SYN3: variants seen among roughly 807,000 people sequenced by gnomAD.
SYN3 encodes the protein synapsin-3.
A neutral mutation model predicts 65.8 loss-of-function variants in SYN3; 35 were observed. The observed-to-expected ratio is 0.53, with a 90% CI of 0.41 to 0.70. SYN3 has a LOEUF of 0.70. SYN3 is among the 30% of genes least tolerant of loss of function. The pLI is 0.00. For synonymous variants in SYN3, 270 were observed against 292.9 expected (o/e 0.92, Z 0.80); for missense variants, 680 against 749.0 (o/e 0.91, Z 1.08).
At chr22:33,023,525 G>A (rs149377247) in intron 1 of SYN3, among the ~76,000 whole-genome samples, 1,943 of 152,264 alleles carry the variant, frequency 0.013, 17 homozygotes, top group Admixed American at 0.016. Context: ...TTGGCAGCAT[G>A]AGAATGGACT....
At chr22:32,944,578 G>C (rs2051046357) in intron 3 of SYN3, among the ~76,000 whole-genome samples, 1 of 152,134 alleles carries the variant, frequency 6.6e-6, no homozygotes, top group South Asian at 2.1e-4. Flanking sequence ...CAAACCCACA[G>C]CCAATATCAT....
chr22:32,940,189 C>T (rs137561), intron 3 of SYN3, among the ~76,000 whole-genome samples: 121,920 of 152,160 alleles, frequency 0.8, 49,508 homozygotes, highest in East Asian at 0.96. Context: ...TTTTTGTTCA[C>T]ATTTGTATTC....
intron 2 of SYN3, among the ~76,000 whole-genome samples, chr22:32,983,010 T>C (rs2052415127): frequency 6.6e-6 from 1 of 152,188 alleles, no homozygotes; most frequent in Non-Finnish European, 1.5e-5. Flanking sequence ...CAGTGAAAAT[T>C]GGGGTCTTTA....
intron 4 of SYN3, among the ~76,000 whole-genome samples, chr22:32,914,233 C>CA (rs1429764894): frequency 6.6e-6 from 1 of 151,990 alleles, no homozygotes; most frequent in African/African-American, 2.4e-5. Flanking sequence ...TTGAAATAGA[C>CA]AAAAAAGACG....
At chr22:32,855,968 G>A (rs940739802) in intron 6 of SYN3, among the ~76,000 whole-genome samples, 15 of 152,164 alleles carry the variant, frequency 9.9e-5, no homozygotes, top group African/African-American at 3.4e-4. Context: ...TGGGATAAAC[G>A]AACCCAATGC....
intron 6 of SYN3, among the ~76,000 whole-genome samples, chr22:32,600,538 G>A (rs2059266755): frequency 1.3e-5 from 2 of 152,358 alleles, no homozygotes; most frequent in Non-Finnish European, 2.9e-5. Flanking sequence ...AGGATGAGTA[G>A]GTTGTGGGTG....
chr22:32,631,279 G>A (rs1435267969), intron 6 of SYN3, among the ~76,000 whole-genome samples: 1 of 143,826 alleles, frequency 7.0e-6, no homozygotes, highest in Non-Finnish European at 1.5e-5. Flanking sequence ...TGGGTGACAA[G>A]AGCGAAACTC....
At chr22:32,567,771 G>A (rs1229335448) in intron 7 of SYN3, among the ~76,000 whole-genome samples, 1 of 152,138 alleles carries the variant, frequency 6.6e-6, no homozygotes, top group Non-Finnish European at 1.5e-5. Context: ...ACACAGCCAG[G>A]AAGTGGGAAG....
At chr22:33,034,327 A>C (rs2053813912) in intron 1 of SYN3, among the ~76,000 whole-genome samples, 1 of 144,306 alleles carries the variant, frequency 6.9e-6, no homozygotes, top group Non-Finnish European at 1.5e-5. Flanking sequence ...ACTCACTGCA[A>C]CCTCCGCCTC....
chr22:32,534,455 T>G (rs936300864), intron 9 of SYN3, among the ~76,000 whole-genome samples: 2 of 152,068 alleles, frequency 1.3e-5, no homozygotes, highest in Non-Finnish European at 2.9e-5. Context: ...CTGGGGAGAC[T>G]GGCAGGCTGC....
chr22:33,005,195 G>A (rs1366397325), intron 2 of SYN3, among the ~76,000 whole-genome samples: 5 of 152,206 alleles, frequency 3.3e-5, no homozygotes, highest in African/African-American at 9.7e-5. Flanking sequence ...TCTTCAGGCA[G>A]TGTGAGAACA....
intron 1 of SYN3, among the ~76,000 whole-genome samples, chr22:33,056,994 CAA>C (rs1050974651): frequency 1.1e-4 from 17 of 152,346 alleles, no homozygotes; most frequent in African/African-American, 3.6e-4. Flanking sequence ...GCTCCAGAAA[CAA>C]TATCAAAATG....
intron 6 of SYN3, among the ~76,000 whole-genome samples, chr22:32,852,464 C>T (rs1569275970): frequency 6.6e-6 from 1 of 152,070 alleles, no homozygotes; most frequent in Non-Finnish European, 1.5e-5. Flanking sequence ...GAGAGAGAGG[C>T]CAGAGAGGCA....
chr22:32,729,249 A>T (rs1390013214), intron 6 of SYN3, among the ~76,000 whole-genome samples: 1 of 152,210 alleles, frequency 6.6e-6, no homozygotes, highest in African/African-American at 2.4e-5. Context: ...CACAAAGCAG[A>T]TCCTCAATAA....
intron 6 of SYN3, among the ~76,000 whole-genome samples, chr22:32,739,349 TG>T (rs2061375038): frequency 6.7e-6 from 1 of 149,674 alleles, no homozygotes; most frequent in Non-Finnish European, 1.5e-5. Context: ...CCCAGCCACA[TG>T]GAACTGTGAG....
chr22:32,632,273 T>C (rs1454536736), intron 6 of SYN3, among the ~76,000 whole-genome samples: 1 of 152,198 alleles, frequency 6.6e-6, no homozygotes, highest in African/African-American at 2.4e-5. Context: ...AGACTTGAAC[T>C]GGCAACCTGG....
chr22:32,920,027 G>A (rs538744934), intron 4 of SYN3, among the ~76,000 whole-genome samples: 2 of 152,192 alleles, frequency 1.3e-5, no homozygotes, highest in South Asian at 2.1e-4. Flanking sequence ...GAGCTGGGGA[G>A]GGGGAGGATC....
intron 6 of SYN3, among the ~76,000 whole-genome samples, chr22:32,611,722 G>A (rs1190666909): frequency 1.3e-5 from 2 of 152,172 alleles, no homozygotes; most frequent in African/African-American, 2.4e-5. Context: ...ATGCTGTGAC[G>A]TGATAAGAAA....
intron 6 of SYN3, among the ~76,000 whole-genome samples, chr22:32,808,197 T>G (rs2145971262): frequency 6.6e-6 from 1 of 152,330 alleles, no homozygotes; most frequent in Admixed American, 6.5e-5. Context: ...TGTTTGACTT[T>G]GAGGACTTAC....
Sources: allele counts gnomAD v4.1 joint callset (sites outside exome capture counted in the v4.1 genomes callset), GRCh38; gene constraint gnomAD v4.1.1; transcripts MANE v1.5; gene names NCBI Gene and HGNC (gene_info 2026-07-23, HGNC 2026-07-21).